The following DUS4L variants were observed in gnomAD, a reference collection of about 807,000 sequenced individuals.
DUS4L encodes the protein dihydrouridine synthase 4 like, also known as tRNA-dihydrouridine(20a/20b) synthase [NAD(P)+]-like.
DUS4L carries 31 observed loss-of-function variants against 33.8 expected under a neutral mutation model. The ratio of observed to expected loss-of-function variants is 0.92; its 90% confidence interval spans 0.69 to 1.24. The LOEUF (loss-of-function observed/expected upper bound fraction) is 1.24. DUS4L is among the 50% of genes most tolerant of loss of function. The pLI is 0.00. For missense variants in DUS4L, 368 were observed against 388.6 expected (o/e 0.95, Z 0.45); for synonymous variants, 103 against 120.3 (o/e 0.86, Z 0.94).
chr7:107,577,564 G>T lies in DUS4L; in HGVS notation c.*4G>T. On this transcript the variant is annotated 3_prime_UTR_variant, in exon 8 of 8. Coordinates refer to ENST00000265720, the MANE Select transcript of DUS4L (RefSeq NM_181581.3). ...TACAGACCATTATGGCATTTGACTAGACTTCCCAAATAATTTTAATATATA... is the reference window on the plus strand; with the variant it reads ...TACAGACCATTATGGCATTTGACTATACTTCCCAAATAATTTTAATATATA... 1 of 1,609,414 alleles carries T rather than the reference G, an allele frequency of 6.2e-7. No homozygotes were observed. The highest frequency in any genetic ancestry group is 1.1e-5 in the South Asian group (1 of 90,778).
At position 107,577,810 on chromosome 7, in the gene DUS4L, C is replaced by T. The variant is rs1805889494; in HGVS notation, c.*250C>T. On this transcript the variant is annotated 3_prime_UTR_variant, in exon 8 of 8. Coordinates refer to ENST00000265720, the MANE Select transcript of DUS4L (RefSeq NM_181581.3). Reference sequence around the variant, plus strand: ...AAACATCCTGATCATCCTAGGCAAACATTGACAAATACTGCTCTGAATCCT... The same window carrying T: ...AAACATCCTGATCATCCTAGGCAAATATTGACAAATACTGCTCTGAATCCT... 2.9e-6 allele frequency: 1 copy of T among 344,336 alleles called. No individual in the cohort carries two copies. The highest frequency in any genetic ancestry group is 5.3e-6 in the Non-Finnish European group (1 of 187,414). 21.3% of individuals were successfully genotyped at this position (344,336 alleles called of 1,614,324 possible).
At position 107,577,528 on chromosome 7, in the gene DUS4L, A is replaced by G; in HGVS notation, c.922A>G (p.Ile308Val). 6.2e-7 allele frequency: 1 copy of G among 1,614,056 alleles called. No individual in the cohort carries two copies. Residue 308 changes from isoleucine to valine, a missense_variant, in exon 8 of 8, where the codon ATA becomes GTA. Transcript: ENST00000265720. ...TGCTCTGTCAAGCACATCAGCAATCATAGATTACCTTACAGACCATTATGG... is the reference window on the plus strand; with the variant it reads ...TGCTCTGTCAAGCACATCAGCAATCGTAGATTACCTTACAGACCATTATGG... ...FNALSSTSAIIDYLTDHYGI is the reference protein window; with the variant it reads ...FNALSSTSAIVDYLTDHYGI
At chr7:107,574,858 T>G (rs1805587249) in intron 5 of DUS4L, 1 of 335,224 alleles carries the variant, frequency 3.0e-6, no homozygotes, top group Non-Finnish European at 5.6e-6. Flanking sequence ...CCTCTTGTTA[T>G]GCACAATAAA....
In DUS4L at chr7:107,577,372, A is replaced by G; in HGVS notation, c.766A>G (p.Thr256Ala). ...NPAMFAGYEE[T>A]PLKCIWDWVD... is the part of the protein sequence containing the mutation. ...GGCCATGTTTGCTGGATATGAGGAA[A>G]CCCCACTGAAATGCATCTGGGACTG... is the stretch of plus-strand genomic sequence containing the variant. The change falls in exon 8 of 8, where the codon ACC becomes GCC. Residue 256 changes from threonine (T) to alanine (A), a missense_variant. Physicochemically the swap from Thr to Ala is moderately conservative, Grantham distance 58. Transcript: ENST00000265720. 1 of 1,614,012 alleles carries G rather than the reference A, an allele frequency of 6.2e-7. No individual in the cohort carries two copies. Among genetic ancestry groups the G allele is most frequent in the South Asian group, 1.1e-5 (1 of 91,056 alleles).
In DUS4L at chr7:107,564,027, C is replaced by G; in HGVS notation, c.-293C>G. 6.5e-7 allele frequency: 1 copy of G among 1,538,108 alleles called. No individual in the cohort carries two copies. The highest frequency in any genetic ancestry group is 8.8e-7 in the Non-Finnish European group (1 of 1,142,606). ...ACCTGGCGAACTGACTCTCAGCCCG[C>G]GCCTGGGCTAAGCCTGGCTAGGAGC... is the stretch of plus-strand genomic sequence containing the variant. On this transcript the variant is annotated 5_prime_UTR_variant, in exon 1 of 8. Transcript: ENST00000265720.
chr7:107,564,663 T>C lies in DUS4L; in HGVS notation c.-35T>C, dbSNP rs1248652541. On this transcript the variant is annotated 5_prime_UTR_variant, in exon 2 of 8. Coordinates refer to ENST00000265720, the MANE Select transcript of DUS4L (RefSeq NM_181581.3). ...ACATCTCAACTAACAGTATTGACGCTGTAAGAGCATCAGGTTGGTTCCCAT... is the reference window on the plus strand; with the variant it reads ...ACATCTCAACTAACAGTATTGACGCCGTAAGAGCATCAGGTTGGTTCCCAT... The C allele has an allele frequency of 1.3e-5, 2 of 152,276 alleles. No homozygotes were observed. Among genetic ancestry groups the C allele is most frequent in the East Asian group, 1.9e-4 (1 of 5,202 alleles). 9.4% of individuals were successfully genotyped at this position (152,276 alleles called of 1,614,324 possible).
chr7:107,574,916 A>C (rs1205944185), intron 5 of DUS4L: 2 of 405,454 alleles, frequency 4.9e-6, no homozygotes, highest in Admixed American at 4.5e-5. Context: ...AATTACTTCA[A>C]ATATTTAAAC....
chr7:107,566,688 T>A (rs1804736792), intron 2 of DUS4L, among the ~76,000 whole-genome samples: 2 of 152,024 alleles, frequency 1.3e-5, no homozygotes, highest in Non-Finnish European at 2.9e-5. Flanking sequence ...TCGAGTATCA[T>A]ATATAAAATA....
chr7:107,577,275 T>C, intron 7 of DUS4L, 38 bp from the exon 8 acceptor site: 2 of 1,606,330 alleles, frequency 1.2e-6, no homozygotes, highest in Middle Eastern at 1.7e-4. Flanking sequence ...CCAGGGGTTC[T>C]TAATGTATGG....
At chr7:107,567,533 GGTAGTT>G (rs1479290906) in intron 3 of DUS4L, among the ~76,000 whole-genome samples, 1 of 152,072 alleles carries the variant, frequency 6.6e-6, no homozygotes, top group Non-Finnish European at 1.5e-5. Context: ...TGGGTCCTAA[GGTAGTT>G]GTGTGTTCAG....
Position 107,567,108 on chromosome 7 carries a change from A to T in DUS4L, c.38A>T (p.Glu13Val). ...SDCMQTTICQ[E>V]RKKDPIEMFH... ...TGCATGCAAACGACAATATGTCAGG[A>T]AAGAAAAAAAGATCCCATAGAAATG... Residue 13 changes from glutamate to valine, a missense_variant, in exon 3 of 8, where the codon GAA becomes GTA. Coordinates refer to ENST00000265720, the MANE Select transcript of DUS4L (RefSeq NM_181581.3). 6.2e-7 allele frequency: 1 copy of T among 1,613,658 alleles called. No individual in the cohort carries two copies. Among genetic ancestry groups the T allele is most frequent in the Non-Finnish European group, 8.5e-7 (1 of 1,179,720 alleles).
At chr7:107,571,399 T>C in intron 4 of DUS4L, 133 bp downstream of exon 4, 1 of 1,305,756 alleles carries the variant, frequency 7.7e-7, no homozygotes, top group Non-Finnish European at 1.0e-6. Context: ...TTTTAATAAG[T>C]ATTTTTTACA....
chr7:107,571,355 G>A (rs1230044111), intron 4 of DUS4L, 89 bp downstream of exon 4: 3 of 1,489,790 alleles, frequency 2.0e-6, no homozygotes, highest in Non-Finnish European at 2.7e-6. Context: ...ACAATTTAGA[G>A]ATTTTATGTG....
Position 107,567,329 on chromosome 7 carries a change from G to A in DUS4L, c.116+143G>A. Reference sequence around the variant, plus strand: ...TCATGACTTAGAATTGAGTCATGATGCTACTACTTGCCTAGTATATATGTG... The same window carrying A: ...TCATGACTTAGAATTGAGTCATGATACTACTACTTGCCTAGTATATATGTG... On this transcript the variant is annotated intron_variant, in intron 3 of 7. Transcript: ENST00000265720. 13 of 654,116 alleles carry A rather than the reference G, an allele frequency of 2.0e-5. No individual in the cohort carries two copies. The South Asian group carries it at 2.6e-4, about 13-fold the overall frequency. The allele number at this position is 654,116 out of a possible 1,614,324, so 40.5% of individuals were successfully genotyped here. A position where few individuals can be genotyped will look rare whatever the true frequency, so the allele number is the denominator to read the frequency against.
intron 2 of DUS4L, 104 bp downstream of exon 2, chr7:107,564,780 A>G (rs1284842599): frequency 6.6e-6 from 1 of 152,204 alleles, no homozygotes; most frequent in Non-Finnish European, 1.5e-5. Context: ...AGGCAACCAC[A>G]AGTATGCAAG....
intron 1 of DUS4L, 76 bp downstream of exon 1, chr7:107,564,285 A>C: frequency 2.1e-6 from 1 of 486,146 alleles, no homozygotes; most frequent in South Asian, 2.3e-5. Context: ...CGCGCGGCGT[A>C]AGGCAGGAGA....
At chr7:107,567,872 C>G (rs139188160) in intron 3 of DUS4L, 1 of 356,716 alleles carries the variant, frequency 2.8e-6, no homozygotes, top group African/African-American at 2.2e-5. Flanking sequence ...CTAGGTACCT[C>G]ATATAAGTCT....
intron 2 of DUS4L, among the ~76,000 whole-genome samples, chr7:107,566,298 A>T (rs968527221): frequency 2.2e-4 from 34 of 152,138 alleles, no homozygotes; most frequent in Non-Finnish European, 4.9e-4. Flanking sequence ...TCCTTCATAC[A>T]TACCTGTTTC....
chr7:107,567,670 C>G, intron 3 of DUS4L: 1 of 321,350 alleles, frequency 3.1e-6, no homozygotes, highest in Non-Finnish European at 6.2e-6. Flanking sequence ...ATTTACCTCT[C>G]GATCATTTTT....
Sources: allele counts gnomAD v4.1 joint callset (sites outside exome capture counted in the v4.1 genomes callset), GRCh38; gene constraint gnomAD v4.1.1; transcripts MANE v1.5; gene names NCBI Gene and HGNC (gene_info 2026-07-23, HGNC 2026-07-21).